Variants in LINGO2 observed in about 807,000 individuals in gnomAD.
The protein encoded by LINGO2 is leucine rich repeat and Ig domain containing 2, also known as leucine-rich repeat and immunoglobulin-like domain-containing nogo receptor-interacting protein 2.
A neutral mutation model predicts 30.6 loss-of-function variants in LINGO2; 14 were observed. That is an observed-to-expected ratio of 0.46 (90% CI 0.30 to 0.72). The LOEUF is 0.72. LINGO2 is among the 30% of genes least tolerant of loss of function. The pLI, the probability that LINGO2 is intolerant of heterozygous loss-of-function variation, is 0.07. For synonymous variants in LINGO2, 317 were observed against 288.5 expected, an observed-to-expected ratio of 1.10 and a Z score of -1.00; for missense variants, 729 against 751.7, an observed-to-expected ratio of 0.97 and a Z score of 0.35.
At position 28,315,196 on chromosome 9, in the gene LINGO2, A is replaced by T. The variant is rs1824795298; in HGVS notation, c.-245-19830T>A. On this transcript the variant is annotated intron_variant, in intron 3 of 5. Coordinates refer to ENST00000379992, the Ensembl canonical transcript of LINGO2. ...GAGGCGGGAGGATTACAAGGTCAGG[A>T]ATTCAAGACGAGCCTGCCCAAAATG... Among the ~76,000 whole-genome samples, 4 of 151,874 alleles carry T rather than the reference A, an allele frequency of 2.6e-5. 1 individual carries two copies.
intron 5 of LINGO2, among the ~76,000 whole-genome samples, chr9:27,993,792 C>T (rs949441959): frequency 2.6e-5 from 4 of 151,928 alleles, no homozygotes; most frequent in Non-Finnish European, 5.9e-5. Flanking sequence ...TGGCTGCAAA[C>T]ATAAAAGCAA....
chr9:28,046,788 C>A (rs1824441664), intron 4 of LINGO2, among the ~76,000 whole-genome samples: 1 of 152,116 alleles, frequency 6.6e-6, no homozygotes, highest in Admixed American at 6.5e-5. Context: ...ATATAAGCTA[C>A]TCAAAGTATG....
At chr9:28,359,779 C>G (rs534882603) in intron 3 of LINGO2, among the ~76,000 whole-genome samples, 3 of 152,120 alleles carry the variant, frequency 2.0e-5, no homozygotes, top group Non-Finnish European at 4.4e-5. Context: ...CTGCTTAATG[C>G]GTAACACTTT....
At chr9:29,099,246 G>A in the LINGO2 span, among the ~76,000 whole-genome samples, 6 of 152,116 alleles carry the variant, frequency 3.9e-5, no homozygotes, top group Admixed American at 2.6e-4. Flanking sequence ...ATTGATTAAA[G>A]ACTTAAAGCT....
At chr9:28,357,210 C>T (rs181314838) in intron 3 of LINGO2, among the ~76,000 whole-genome samples, 62 of 151,696 alleles carry the variant, frequency 4.1e-4, no homozygotes, top group African/African-American at 1.4e-3. Context: ...GTTAAGCATA[C>T]TTATTCTATA....
chr9:28,615,258 T>C (rs1826088361), intron 1 of LINGO2, among the ~76,000 whole-genome samples: 1 of 152,208 alleles, frequency 6.6e-6, no homozygotes, highest in South Asian at 2.1e-4. Flanking sequence ...CAATGATATG[T>C]ACACTCTAAA....
chr9:29,202,812 G>T, the LINGO2 span, among the ~76,000 whole-genome samples: 1 of 151,924 alleles, frequency 6.6e-6, no homozygotes, highest in Non-Finnish European at 1.5e-5. Context: ...GCATTCCTAT[G>T]AACTGATGAA....
chr9:28,655,775 G>A (rs1300783088), intron 1 of LINGO2, among the ~76,000 whole-genome samples: 1 of 152,068 alleles, frequency 6.6e-6, no homozygotes, highest in African/African-American at 2.4e-5. Flanking sequence ...ATGTGAAGAA[G>A]GATGTGTTGG....
At chr9:28,932,456 T>C in the LINGO2 span, among the ~76,000 whole-genome samples, 2 of 152,184 alleles carry the variant, frequency 1.3e-5, no homozygotes, top group Admixed American at 6.5e-5. Flanking sequence ...TCAGGAACCA[T>C]AGCTACTATT....
the LINGO2 span, among the ~76,000 whole-genome samples, chr9:29,128,556 G>A: frequency 9.9e-5 from 15 of 152,104 alleles, no homozygotes; most frequent in Non-Finnish European, 1.9e-4. Context: ...TCTAATCAGG[G>A]TCTGGCCTGG....
the LINGO2 span, among the ~76,000 whole-genome samples, chr9:28,885,516 A>G: frequency 6.6e-6 from 1 of 150,932 alleles, no homozygotes; most frequent in Admixed American, 6.7e-5. Flanking sequence ...GTCTGTGTGT[A>G]CATATGACAA....
chr9:28,464,158 T>C (rs1825201101), intron 2 of LINGO2, among the ~76,000 whole-genome samples: 1 of 152,184 alleles, frequency 6.6e-6, no homozygotes, highest in African/African-American at 2.4e-5. Flanking sequence ...ATTTCAATAT[T>C]TTCCCATGTA....
At chr9:28,337,689 G>A (rs537338179) in intron 3 of LINGO2, among the ~76,000 whole-genome samples, 1 of 152,206 alleles carries the variant, frequency 6.6e-6, no homozygotes, top group East Asian at 1.9e-4. Flanking sequence ...TGCTAAAGGG[G>A]GCCAAGTTAC....
At chr9:28,825,567 G>T in the LINGO2 span, among the ~76,000 whole-genome samples, 617 of 45,806 alleles carry the variant, frequency 0.013, 5 homozygotes, top group Non-Finnish European at 0.032. Flanking sequence ...ATTTGTATCT[G>T]GTTTTTTTTT....
intron 3 of LINGO2, among the ~76,000 whole-genome samples, chr9:28,348,857 C>T (rs1241033634): frequency 1.3e-5 from 2 of 152,082 alleles, no homozygotes; most frequent in African/African-American, 4.8e-5. Context: ...CCCCGGGCAG[C>T]CTAACTGGGA....
chr9:28,471,608 T>C (rs1390641637), intron 2 of LINGO2, among the ~76,000 whole-genome samples: 1 of 152,098 alleles, frequency 6.6e-6, no homozygotes, highest in East Asian at 1.9e-4. Context: ...AAAACCACAA[T>C]GGGATACCAC....
the LINGO2 span, among the ~76,000 whole-genome samples, chr9:28,768,288 C>A: frequency 6.6e-6 from 1 of 152,184 alleles, no homozygotes; most frequent in Admixed American, 6.5e-5. Context: ...AAACCTTTTA[C>A]AGGTTCCAAA....
chr9:27,951,478 G>C lies in LINGO2; in HGVS notation c.-35-772C>G, dbSNP rs16912068. 3.9e-3 allele frequency among the ~76,000 whole-genome samples: 595 copies of C among 152,166 alleles called. 2 individuals carry two copies. The highest frequency in any genetic ancestry group is 0.013 in the African/African-American group (549 of 41,524). The stretch of plus-strand genomic sequence containing the variant: ...ATTTTGAGATAAATATTGAGGAATG[G>C]GAAGATAAATAATTTTCAGAAAAAG... On this transcript the variant is annotated intron_variant, in intron 5 of 5. Transcript: ENST00000379992.
At chr9:27,963,674 T>C (rs1259227640) in intron 5 of LINGO2, among the ~76,000 whole-genome samples, 1 of 151,866 alleles carries the variant, frequency 6.6e-6, no homozygotes, top group Non-Finnish European at 1.5e-5. Context: ...TTTTGTTTTT[T>C]TGAAGTCAGT....
Sources: gnomAD v4.1 joint callset for allele counts (sites outside exome capture counted in the v4.1 genomes callset) on GRCh38, gnomAD v4.1.1 for gene constraint, MANE v1.5 for transcripts, NCBI Gene and HGNC (gene_info 2026-07-23, HGNC 2026-07-21) for gene names.